GLYATL2: variants seen among roughly 807,000 people sequenced by gnomAD.
The protein encoded by GLYATL2 is glycine-N-acyltransferase like 2.
A neutral mutation model predicts 21.4 loss-of-function variants in GLYATL2; 25 were observed. That is an observed-to-expected ratio of 1.17 (90% CI 0.85 to 1.63). The LOEUF (loss-of-function observed/expected upper bound fraction) is 1.63. GLYATL2 is among the 40% of genes most tolerant of loss of function. The pLI is 0.00. For synonymous variants in GLYATL2, 114 were observed against 118.2 expected, an observed-to-expected ratio of 0.96 and a Z score of 0.23; for missense variants, 361 against 343.3, an observed-to-expected ratio of 1.05 and a Z score of -0.41.
chr11:58,854,625 A>G (rs564570), intron 1 of GLYATL2, among the ~76,000 whole-genome samples: 135,059 of 152,242 alleles, frequency 0.89, 61,074 homozygotes, highest in Non-Finnish European at 0.98. Flanking sequence ...GGCAATTTCT[A>G]AAAATAAGAC....
chr11:58,886,491 C>T (rs1033237246), intron 1 of GLYATL2, among the ~76,000 whole-genome samples: 2 of 152,076 alleles, frequency 1.3e-5, no homozygotes, highest in African/African-American at 2.4e-5. Flanking sequence ...AACCATAGGC[C>T]CTTCTCTGAG....
intron 1 of GLYATL2, among the ~76,000 whole-genome samples, chr11:58,876,417 A>G (rs958006866): frequency 1.3e-5 from 2 of 151,876 alleles, no homozygotes; most frequent in East Asian, 1.9e-4. Context: ...CATCTTTGTG[A>G]TTTTATCTAC....
upstream of GLYATL2, among the ~76,000 whole-genome samples, chr11:58,846,063 G>C (rs1197399915): frequency 2.0e-5 from 3 of 152,066 alleles, no homozygotes; most frequent in East Asian, 3.8e-4. Flanking sequence ...ACATATCAAA[G>C]TTTATAGAGT....
chr11:58,883,342 G>C (rs1229177807), intron 1 of GLYATL2, among the ~76,000 whole-genome samples: 2 of 152,084 alleles, frequency 1.3e-5, no homozygotes, highest in Non-Finnish European at 2.9e-5. Context: ...AAGAAGAAAA[G>C]AAAGAAGAAT....
chr11:58,843,628 A>G (rs975393033), intron 1 of GLYATL2, among the ~76,000 whole-genome samples: 10 of 152,214 alleles, frequency 6.6e-5, no homozygotes, highest in African/African-American at 9.6e-5. Flanking sequence ...GAGAAAAAGT[A>G]AAGTAGGTTG....
intron 1 of GLYATL2, among the ~76,000 whole-genome samples, chr11:58,886,665 T>G (rs549519): frequency 6.6e-6 from 1 of 152,126 alleles, no homozygotes; most frequent in African/African-American, 2.4e-5. Context: ...AAGGAATACA[T>G]GATTAAGCTG....
intron 1 of GLYATL2, among the ~76,000 whole-genome samples, chr11:58,850,323 T>C (rs561042886): frequency 1.3e-5 from 2 of 152,174 alleles, no homozygotes; most frequent in East Asian, 1.9e-4. Flanking sequence ...AAATGCTTTT[T>C]TGTGGGCGGT....
intron 1 of GLYATL2, among the ~76,000 whole-genome samples, chr11:58,854,523 A>T (rs1418274119): frequency 6.6e-6 from 1 of 152,244 alleles, no homozygotes; most frequent in Non-Finnish European, 1.5e-5. Context: ...GAGCTTTCAA[A>T]GAGTTGCAAT....
At chr11:58,899,806 A>G (rs1854703460) in intron 1 of GLYATL2, among the ~76,000 whole-genome samples, 1 of 148,982 alleles carries the variant, frequency 6.7e-6, no homozygotes, top group African/African-American at 2.5e-5. Context: ...TAACATGTTA[A>G]TTACAACAGA....
At chr11:58,903,038 T>C (rs946466409) in intron 1 of GLYATL2, among the ~76,000 whole-genome samples, 3 of 152,194 alleles carry the variant, frequency 2.0e-5, no homozygotes, top group Admixed American at 2.0e-4. Context: ...GAGGGTCACT[T>C]TTATACTTAA....
chr11:58,842,996 G>GGTGAT (rs1380474834), intron 1 of GLYATL2, among the ~76,000 whole-genome samples: 1 of 152,050 alleles, frequency 6.6e-6, no homozygotes, highest in Non-Finnish European at 1.5e-5. Flanking sequence ...TTATAAGTTT[G>GGTGAT]GTGATGTTTT....
At chr11:58,851,187 C>A (rs2134586596) in intron 1 of GLYATL2, among the ~76,000 whole-genome samples, 1 of 152,240 alleles carries the variant, frequency 6.6e-6, no homozygotes, top group African/African-American at 2.4e-5. Context: ...CTGGTCTCCG[C>A]ATCTTGGTGG....
chr11:58,886,990 T>C (rs1187742565), intron 1 of GLYATL2, among the ~76,000 whole-genome samples: 2 of 152,238 alleles, frequency 1.3e-5, no homozygotes, highest in African/African-American at 2.4e-5. Context: ...TTCCTGATAA[T>C]TTGGGATCAA....
chr11:58,877,245 C>A (rs191817092), intron 1 of GLYATL2, among the ~76,000 whole-genome samples: 1 of 152,204 alleles, frequency 6.6e-6, no homozygotes, highest in South Asian at 2.1e-4. Flanking sequence ...CCAGGTGAGG[C>A]GATGCCTCGC....
intron 5 of GLYATL2, 28 bp downstream of exon 5, chr11:58,836,987 A>G: frequency 6.3e-7 from 1 of 1,598,718 alleles, no homozygotes; most frequent in East Asian, 2.2e-5. Context: ...CTATCAAGGA[A>G]TTTGGGAAGC....
intron 1 of GLYATL2, among the ~76,000 whole-genome samples, chr11:58,850,881 G>A (rs1330160107): frequency 1.3e-5 from 2 of 152,146 alleles, no homozygotes; most frequent in East Asian, 3.9e-4. Context: ...CAGCGGTCAT[G>A]CTCCTGTTTC....
At chr11:58,857,129 A>T (rs1275060893) in intron 1 of GLYATL2, among the ~76,000 whole-genome samples, 2 of 152,168 alleles carry the variant, frequency 1.3e-5, no homozygotes, top group African/African-American at 4.8e-5. Context: ...ACTGATTTAC[A>T]TTCCCACCAA....
At chr11:58,872,426 T>C (rs180826339) in intron 1 of GLYATL2, among the ~76,000 whole-genome samples, 1,757 of 152,356 alleles carry the variant, frequency 0.012, 12 homozygotes, top group Non-Finnish European at 0.016. Context: ...AGGTATAACA[T>C]GTAAGTCTTT....
rs773593109 is a variant in GLYATL2 at position 58,838,284 on chromosome 11, C to T, written c.163G>A (p.Val55Ile). Residue 55 changes from valine to isoleucine, a missense_variant, in exon 3 of 6, where the codon GTC (valine) becomes ATC (isoleucine). Val to Ile is a conservative substitution (Grantham distance 29, BLOSUM62 3). Coordinates refer to ENST00000287275, the MANE Select transcript of GLYATL2 (RefSeq NM_145016.4). Reference protein sequence around the residue: ...LVDAWPDYQIVITRPQKQEMK... With the variant: ...LVDAWPDYQIIITRPQKQEMK... ...ACCTGTTTCTGAGGCCGGGTAATGA[C>T]GATCTGGTAATCTGGCCAGGCATCT... 8.1e-5 allele frequency: 130 copies of T among 1,612,450 alleles called. 1 individual carries two copies. In the East Asian group the frequency reaches 1.6e-3, roughly 20 times the overall value.
Sources: allele counts gnomAD v4.1 joint callset (sites outside exome capture counted in the v4.1 genomes callset), GRCh38; gene constraint gnomAD v4.1.1; transcripts MANE v1.5; gene names NCBI Gene and HGNC (gene_info 2026-07-23, HGNC 2026-07-21).